The following AUTS2 variants were observed in gnomAD, a reference collection of about 807,000 sequenced individuals.
The protein encoded by AUTS2 is autism susceptibility gene 2 protein.
In AUTS2, 17 loss-of-function variants were observed where a neutral mutation model predicts 112.4. The ratio of observed to expected loss-of-function variants is 0.15; its 90% confidence interval spans 0.10 to 0.23. The LOEUF is 0.23. Ranked by LOEUF, AUTS2 falls within the 10% of genes least tolerant of loss-of-function variation. AUTS2 has a pLI of 1.00. For missense variants in AUTS2, 1,510 were observed against 1,701.6 expected, an observed-to-expected ratio of 0.89 and a Z score of 1.98; for synonymous variants, 751 against 702.7, an observed-to-expected ratio of 1.07 and a Z score of -1.09.
chr7:70,076,442 CATTTA>C (rs1318565409), intron 2 of AUTS2, among the ~76,000 whole-genome samples: 2 of 152,156 alleles, frequency 1.3e-5, no homozygotes, highest in African/African-American at 4.8e-5. Flanking sequence ...GGATGTAAAT[CATTTA>C]ATTTAAAGTT....
At chr7:70,120,938 C>T (rs1459735311) in intron 3 of AUTS2, among the ~76,000 whole-genome samples, 1 of 152,118 alleles carries the variant, frequency 6.6e-6, no homozygotes, top group Non-Finnish European at 1.5e-5. Context: ...ACTTACCAAC[C>T]TCAAAACTCA....
chr7:70,596,212 A>C (rs1563065227), intron 5 of AUTS2: 1 of 152,664 alleles, frequency 6.6e-6, no homozygotes, highest in Non-Finnish European at 1.5e-5. Context: ...TCCTGGGCCG[A>C]GGCATCCGCG....
At chr7:69,922,371 GTTGTT>G (rs2129542995) in intron 2 of AUTS2, among the ~76,000 whole-genome samples, 1 of 152,322 alleles carries the variant, frequency 6.6e-6, no homozygotes, top group South Asian at 2.1e-4. Context: ...TAAGGAAGAT[GTTGTT>G]TTATCTGCTA....
chr7:70,755,283 C>A (rs1002642268), intron 6 of AUTS2, among the ~76,000 whole-genome samples: 1 of 151,104 alleles, frequency 6.6e-6, no homozygotes, highest in Non-Finnish European at 1.5e-5. Context: ...TTTTTAAACA[C>A]ATGCACCATA....
intron 5 of AUTS2, among the ~76,000 whole-genome samples, chr7:70,633,179 A>G (rs1232533854): frequency 6.6e-6 from 1 of 152,188 alleles, no homozygotes; most frequent in Non-Finnish European, 1.5e-5. Context: ...AGGGAGAGAC[A>G]TAGAGCAAAA....
intron 5 of AUTS2, among the ~76,000 whole-genome samples, chr7:70,533,155 CTCTG>C (rs1170264332): frequency 6.6e-6 from 1 of 152,206 alleles, no homozygotes; most frequent in Non-Finnish European, 1.5e-5. Flanking sequence ...CTTGGTCTCA[CTCTG>C]TCACCCAGGC....
chr7:70,707,431 A>G (rs1449982687), intron 6 of AUTS2, among the ~76,000 whole-genome samples: 1 of 152,180 alleles, frequency 6.6e-6, no homozygotes, highest in Non-Finnish European at 1.5e-5. Context: ...TGCTCATAGC[A>G]GTCATACTGT....
At chr7:69,933,655 C>CT (rs1216475752) in intron 2 of AUTS2, among the ~76,000 whole-genome samples, 1 of 151,956 alleles carries the variant, frequency 6.6e-6, no homozygotes, top group Non-Finnish European at 1.5e-5. Context: ...CTTTCCCTTC[C>CT]TTTTTTTGTT....
chr7:69,821,186 A>T (rs1790974291), intron 1 of AUTS2, among the ~76,000 whole-genome samples: 1 of 152,140 alleles, frequency 6.6e-6, no homozygotes, highest in South Asian at 2.1e-4. Flanking sequence ...TAACTTGGGG[A>T]TGGGGGTGGA....
At chr7:69,870,346 A>G (rs560751069) in intron 1 of AUTS2, among the ~76,000 whole-genome samples, 3 of 150,318 alleles carry the variant, frequency 2.0e-5, no homozygotes, top group Non-Finnish European at 3.0e-5. Context: ...AAAATTATGT[A>G]GATATTTAAG....
At chr7:70,455,526 G>C (rs1455041839) in intron 5 of AUTS2, among the ~76,000 whole-genome samples, 1 of 152,198 alleles carries the variant, frequency 6.6e-6, no homozygotes, top group Non-Finnish European at 1.5e-5. Context: ...CTTCCCAGCA[G>C]CTGAGCGTGG....
intron 2 of AUTS2, among the ~76,000 whole-genome samples, chr7:69,973,503 G>A (rs765077096): frequency 9.9e-5 from 15 of 152,110 alleles, no homozygotes; most frequent in Admixed American, 2.6e-4. Context: ...TCCTTGTCTT[G>A]TTCCTGATAT....
intron 5 of AUTS2, among the ~76,000 whole-genome samples, chr7:70,452,679 GA>G (rs1248167410): frequency 6.6e-6 from 1 of 152,076 alleles, no homozygotes; most frequent in Non-Finnish European, 1.5e-5. Flanking sequence ...AGAGGTAGAA[GA>G]TCAGAGGGCT....
chr7:70,511,236 T>C (rs1380927929), intron 5 of AUTS2, among the ~76,000 whole-genome samples: 3 of 152,128 alleles, frequency 2.0e-5, no homozygotes, highest in Admixed American at 6.5e-5. Context: ...GTCAAAGCAT[T>C]TGCAAACTGC....
chr7:69,674,849 GC>G (rs918679133), intron 1 of AUTS2, among the ~76,000 whole-genome samples: 8 of 152,158 alleles, frequency 5.3e-5, no homozygotes, highest in African/African-American at 1.9e-4. Flanking sequence ...CTGTGGTGAG[GC>G]TGTGAGAGGG....
intron 2 of AUTS2, among the ~76,000 whole-genome samples, chr7:69,992,578 C>T (rs987380828): frequency 5.9e-5 from 9 of 152,086 alleles, no homozygotes; most frequent in African/African-American, 1.9e-4. Flanking sequence ...GAAGCATGGG[C>T]CAGGTGTAGT....
chr7:69,759,306 G>A (rs915009483), intron 1 of AUTS2, among the ~76,000 whole-genome samples: 3 of 152,050 alleles, frequency 2.0e-5, no homozygotes, highest in Non-Finnish European at 4.4e-5. Flanking sequence ...GGATATCTTG[G>A]TGGTGGGACT....
intron 1 of AUTS2, among the ~76,000 whole-genome samples, chr7:69,744,528 C>G (rs1230982221): frequency 1.3e-5 from 2 of 151,958 alleles, no homozygotes; most frequent in Admixed American, 1.3e-4. Context: ...CACCAAGACT[C>G]TTTTTAAAAT....
At chr7:70,005,250 G>A (rs1046977697) in intron 2 of AUTS2, among the ~76,000 whole-genome samples, 1 of 152,008 alleles carries the variant, frequency 6.6e-6, no homozygotes, top group Non-Finnish European at 1.5e-5. Flanking sequence ...GGGTGACCTG[G>A]TTTGGATTTC....
Sources: gnomAD v4.1 joint callset for allele counts (sites outside exome capture counted in the v4.1 genomes callset) on GRCh38, gnomAD v4.1.1 for gene constraint, MANE v1.5 for transcripts, NCBI Gene and HGNC (gene_info 2026-07-23, HGNC 2026-07-21) for gene names.